The following KHDRBS3 variants were observed in gnomAD, a reference collection of about 807,000 sequenced individuals.
KHDRBS3 encodes the protein KH RNA binding domain containing, signal transduction associated 3.
A neutral mutation model predicts 45.6 loss-of-function variants in KHDRBS3; 23 were observed. The observed-to-expected ratio is 0.50, with a 90% confidence interval of 0.36 to 0.72. The LOEUF is 0.72. KHDRBS3 is among the 30% of genes least tolerant of loss of function. The pLI is 0.00. For missense variants in KHDRBS3, 352 were observed against 424.8 expected, an observed-to-expected ratio of 0.83 and a Z score of 1.51; for synonymous variants, 162 against 156.5, an observed-to-expected ratio of 1.04 and a Z score of -0.26.
intron 1 of KHDRBS3, among the ~76,000 whole-genome samples, chr8:135,520,692 G>A (rs531196429): frequency 7.9e-5 from 12 of 152,342 alleles, no homozygotes; most frequent in African/African-American, 2.2e-4. Context: ...ATCATAACAA[G>A]TAGAGCGAAG....
intron 2 of KHDRBS3, among the ~76,000 whole-genome samples, chr8:135,533,234 T>A (rs1825569801): frequency 2.6e-5 from 4 of 152,202 alleles, no homozygotes; most frequent in African/African-American, 9.6e-5. Context: ...CACTGTTAAT[T>A]AAGGGTTGTA....
At chr8:135,536,966 CAAAAAA>C (rs869256475) in intron 2 of KHDRBS3, among the ~76,000 whole-genome samples, 1 of 11,778 alleles carries the variant, frequency 8.5e-5, no homozygotes, top group Non-Finnish European at 1.4e-4. Context: ...AACTCCATCT[CAAAAAA>C]AAAAAAAAAA....
intron 1 of KHDRBS3, among the ~76,000 whole-genome samples, chr8:135,519,607 G>T (rs1215991062): frequency 1.3e-5 from 2 of 152,188 alleles, no homozygotes; most frequent in Non-Finnish European, 2.9e-5. Flanking sequence ...CAAATCGTTG[G>T]ATATTCTAGT....
At chr8:135,461,320 G>A (rs1356575876) in intron 1 of KHDRBS3, among the ~76,000 whole-genome samples, 1 of 152,068 alleles carries the variant, frequency 6.6e-6, no homozygotes, top group African/African-American at 2.4e-5. Flanking sequence ...GGCCAGGCTG[G>A]TCTCGAACTC....
chr8:135,476,418 A>G (rs1165751534), intron 1 of KHDRBS3, among the ~76,000 whole-genome samples: 1 of 152,178 alleles, frequency 6.6e-6, no homozygotes, highest in Non-Finnish European at 1.5e-5. Context: ...CTGGGATTAC[A>G]GGCATGAACC....
At chr8:135,611,074 G>T (rs554680238) in intron 7 of KHDRBS3, among the ~76,000 whole-genome samples, 1 of 151,892 alleles carries the variant, frequency 6.6e-6, no homozygotes, top group Non-Finnish European at 1.5e-5. Context: ...TATCAGGAAA[G>T]ATTCACTAAA....
At chr8:135,504,652 T>C (rs1823901122) in intron 1 of KHDRBS3, among the ~76,000 whole-genome samples, 1 of 152,202 alleles carries the variant, frequency 6.6e-6, no homozygotes, top group African/African-American at 2.4e-5. Flanking sequence ...TCATAGAAAT[T>C]TACTCTATGC....
intron 1 of KHDRBS3, among the ~76,000 whole-genome samples, chr8:135,489,077 C>A (rs1197883710): frequency 6.6e-6 from 1 of 152,160 alleles, no homozygotes; most frequent in Non-Finnish European, 1.5e-5. Flanking sequence ...ATGGCAGCAG[C>A]TGTTAGTGTG....
rs753362327 is a variant in KHDRBS3, at chr8:135,613,801, C to T, written c.890+6764C>T. On this transcript the variant is annotated intron_variant, in intron 7 of 8. Transcript: ENST00000355849. ...TACCTGAAAACAAACTTGAGTAAGA[C>T]AGCAAGGCGGCCTGGCTACCGTTGG... 7.9e-5 allele frequency among the ~76,000 whole-genome samples: 12 copies of T among 151,606 alleles called. No homozygotes were observed. In the East Asian group the frequency reaches 1.9e-3, roughly 24 times the overall value.
chr8:135,593,573 A>G (rs1336367565), intron 6 of KHDRBS3, among the ~76,000 whole-genome samples: 1 of 151,976 alleles, frequency 6.6e-6, no homozygotes, highest in African/African-American at 2.4e-5. Context: ...AACATCCTGG[A>G]CTCAAGCGAT....
Position 135,516,756 on chromosome 8 carries a change from T to G in KHDRBS3, c.89-4481T>G, listed in dbSNP as rs568111801. Among the ~76,000 whole-genome samples the G allele has an allele frequency of 3.3e-5, 5 of 152,284 alleles. No individual in the cohort carries two copies. In the South Asian group the frequency reaches 1.0e-3, roughly 32 times the overall value. The stretch of plus-strand genomic sequence containing the variant: ...TTAGGTGGTTCCCAGTGTTTTGCTA[T>G]TAAAGACAATGCAGTAGTGGATAAT... On this transcript the variant is annotated intron_variant, in intron 1 of 8. Coordinates refer to ENST00000355849, the MANE Select transcript of KHDRBS3 (RefSeq NM_006558.3).
intron 7 of KHDRBS3, among the ~76,000 whole-genome samples, chr8:135,644,731 A>G (rs1831210231): frequency 6.6e-6 from 1 of 152,214 alleles, no homozygotes; most frequent in Non-Finnish European, 1.5e-5. Flanking sequence ...CCCTCTCCGC[A>G]GACTCCCAGT....
chr8:135,537,685 G>A (rs748808755), intron 2 of KHDRBS3, among the ~76,000 whole-genome samples: 77 of 152,094 alleles, frequency 5.1e-4, no homozygotes, highest in Non-Finnish European at 1.0e-3. Flanking sequence ...TAACATTTGT[G>A]TGTCTGTGAG....
At chr8:135,549,152 C>G (rs1006928460) in intron 4 of KHDRBS3, 19 of 290,520 alleles carry the variant, frequency 6.5e-5, no homozygotes, top group Non-Finnish European at 1.0e-4. Flanking sequence ...ACTTGCATAG[C>G]ACAATCACTA....
At chr8:135,561,484 ACCTCT>A (rs1022918723) in intron 5 of KHDRBS3, among the ~76,000 whole-genome samples, 4 of 150,422 alleles carry the variant, frequency 2.7e-5, no homozygotes, top group African/African-American at 9.8e-5. Context: ...CATAATCCAA[ACCTCT>A]CCTCTCTGCT....
chr8:135,580,496 A>G (rs1339671504), intron 5 of KHDRBS3, among the ~76,000 whole-genome samples: 1 of 152,020 alleles, frequency 6.6e-6, no homozygotes, highest in African/African-American at 2.4e-5. Flanking sequence ...AGTCACATTC[A>G]TGTAAGTTAA....
intron 2 of KHDRBS3, among the ~76,000 whole-genome samples, chr8:135,521,889 GT>G (rs1336102275): frequency 6.6e-6 from 1 of 151,828 alleles, no homozygotes; most frequent in Non-Finnish European, 1.5e-5. Flanking sequence ...TAATTTTTTG[GT>G]TATTATAAAT....
intron 1 of KHDRBS3, among the ~76,000 whole-genome samples, chr8:135,516,691 G>T (rs552520937): frequency 9.2e-5 from 14 of 152,074 alleles, no homozygotes; most frequent in African/African-American, 3.1e-4. Context: ...ATTCCAGGGT[G>T]TGCTCTAGCC....
intron 7 of KHDRBS3, among the ~76,000 whole-genome samples, chr8:135,626,808 A>AC (rs1554642066): frequency 9.4e-6 from 1 of 106,526 alleles, no homozygotes; most frequent in Admixed American, 9.4e-5. Flanking sequence ...CGTCTCAAAA[A>AC]AAAAAAAAAA....
Sources: gnomAD v4.1 joint callset for allele counts (sites outside exome capture counted in the v4.1 genomes callset) on GRCh38, gnomAD v4.1.1 for gene constraint, MANE v1.5 for transcripts, NCBI Gene and HGNC (gene_info 2026-07-23, HGNC 2026-07-21) for gene names.